The following TYR variants were observed in gnomAD, a reference collection of about 807,000 sequenced individuals.
TYR encodes tyrosinase, also known as LB24-AB.
In TYR, 58 loss-of-function variants were observed where a neutral mutation model predicts 51.5. The ratio of observed to expected loss-of-function variants is 1.13; its 90% confidence interval spans 0.91 to 1.40. TYR has a LOEUF of 1.40. Among genes scored for constraint, TYR ranks in the 40% most tolerant of loss-of-function variants. The probability of loss-of-function intolerance (pLI) is 0.00; values close to 1 mark genes in which losing one functional copy is unlikely to be tolerated. For synonymous variants in TYR, 263 were observed against 235.2 expected, an observed-to-expected ratio of 1.12 and a Z score of -1.08; for missense variants, 732 against 647.4, an observed-to-expected ratio of 1.13 and a Z score of -1.42.
intron 3 of TYR, among the ~76,000 whole-genome samples, chr11:89,262,557 ATTCT>A (rs1944470055): frequency 6.6e-6 from 1 of 151,270 alleles, no homozygotes; most frequent in Admixed American, 6.6e-5. Context: ...CAAAAAGTTG[ATTCT>A]TTGAAAAGAT....
At chr11:89,221,932 G>A (rs1350872434) in intron 2 of TYR, among the ~76,000 whole-genome samples, 1 of 152,190 alleles carries the variant, frequency 6.6e-6, no homozygotes, top group Non-Finnish European at 1.5e-5. Flanking sequence ...TGCAACATCT[G>A]TAACTCATCT....
rs190566534 is a variant in TYR at position 89,196,444 on chromosome 11, A to G, written c.1036+5026A>G. On this transcript the variant is annotated intron_variant, in intron 2 of 4. Transcript: ENST00000263321. ...GGGAAAAAGGAGACAGGAACAAGGA[A>G]CAACTTCTTGGCGTTTAATGGTGTG... is the stretch of plus-strand genomic sequence containing the variant. 2.6e-5 allele frequency among the ~76,000 whole-genome samples: 4 copies of G among 152,246 alleles called. No individual in the cohort carries two copies. In the East Asian group the frequency reaches 7.7e-4, roughly 29 times the overall value.
At chr11:89,247,416 G>A (rs1194951607) in intron 3 of TYR, among the ~76,000 whole-genome samples, 3 of 152,186 alleles carry the variant, frequency 2.0e-5, no homozygotes, top group Non-Finnish European at 2.9e-5. Flanking sequence ...TAATCTAAGA[G>A]AGTTGAATTG....
chr11:89,254,959 C>T (rs1470986253), intron 3 of TYR, among the ~76,000 whole-genome samples: 1 of 151,404 alleles, frequency 6.6e-6, no homozygotes, highest in East Asian at 1.9e-4. Context: ...GGTTGTAAAC[C>T]TTCCTCTTAG....
At chr11:89,203,012 A>C (rs1786390551) in intron 2 of TYR, among the ~76,000 whole-genome samples, 1 of 152,192 alleles carries the variant, frequency 6.6e-6, no homozygotes, top group African/African-American at 2.4e-5. Flanking sequence ...CATATAACAT[A>C]AATAGACTTC....
intron 3 of TYR, among the ~76,000 whole-genome samples, chr11:89,242,150 A>C (rs1326495853): frequency 1.3e-5 from 2 of 152,036 alleles, no homozygotes; most frequent in African/African-American, 4.8e-5. Context: ...TCCAGGATAA[A>C]ATTTCAGAAG....
At chr11:89,207,607 T>G (rs911212166) in intron 2 of TYR, among the ~76,000 whole-genome samples, 4 of 152,208 alleles carry the variant, frequency 2.6e-5, no homozygotes, top group Non-Finnish European at 4.4e-5. Flanking sequence ...TGAGTCATTT[T>G]ATAAATCCAG....
rs189167098 is a variant in TYR at position 89,243,308 on chromosome 11, G to A, written c.1184+15338G>A. On this transcript the variant is annotated intron_variant, in intron 3 of 4. Coordinates refer to ENST00000263321, the MANE Select transcript of TYR (RefSeq NM_000372.5). ...ATTTAGCATGTGTGGGCCACTCACT[G>A]GACACTTCAGCTTCTGCATTCTTCC... is the stretch of plus-strand genomic sequence containing the variant. Among the ~76,000 whole-genome samples, 601 of 152,164 alleles carry A rather than the reference G, an allele frequency of 3.9e-3. 5 individuals are homozygous for A. The highest frequency in any genetic ancestry group is 0.014 in the African/African-American group (574 of 41,516).
Position 89,178,659 on chromosome 11 carries a change from T to C in TYR, c.706T>C (p.Trp236Arg), listed in dbSNP as rs2135242624. Residue 236 changes from tryptophan (W) to arginine (R), a missense_variant, in exon 1 of 5, where the codon TGG (tryptophan) becomes CGG (arginine). Transcript: ENST00000263321. Reference sequence around the variant, plus strand: ...AGATGAAAACTTCACTATTCCATATTGGGACTGGCGGGATGCAGAAAAGTG... The same window carrying C: ...AGATGAAAACTTCACTATTCCATATCGGGACTGGCGGGATGCAGAAAAGTG... The part of the protein sequence containing the change: ...TGDENFTIPY[W>R]DWRDAEKCDI... The C allele has an allele frequency of 6.2e-7, 1 of 1,613,664 alleles. No homozygotes were observed.
intron 2 of TYR, among the ~76,000 whole-genome samples, chr11:89,205,134 C>G (rs1943655855): frequency 6.6e-6 from 1 of 151,870 alleles, no homozygotes; most frequent in Non-Finnish European, 1.5e-5. Flanking sequence ...AGTCTCAATA[C>G]TAGGTTCAAC....
At chr11:89,223,380 G>C (rs1330468148) in intron 2 of TYR, among the ~76,000 whole-genome samples, 2 of 152,056 alleles carry the variant, frequency 1.3e-5, no homozygotes, top group Non-Finnish European at 2.9e-5. Context: ...CGATGTTGGA[G>C]TAATTATTTC....
At chr11:89,249,712 A>G (rs932423793) in intron 3 of TYR, among the ~76,000 whole-genome samples, 1 of 152,094 alleles carries the variant, frequency 6.6e-6, no homozygotes, top group Non-Finnish European at 1.5e-5. Context: ...GAAAGAGGAT[A>G]TGAACAAGAA....
chr11:89,274,265 T>C (rs1485415677), intron 3 of TYR, among the ~76,000 whole-genome samples: 5 of 151,928 alleles, frequency 3.3e-5, no homozygotes. Context: ...TGAATTAATT[T>C]TAGGACAACT....
intron 2 of TYR, among the ~76,000 whole-genome samples, chr11:89,216,955 T>C (rs537087248): frequency 1.8e-4 from 27 of 152,194 alleles, no homozygotes; most frequent in Non-Finnish European, 3.1e-4. Context: ...TATCTCCAGC[T>C]AGTGGCCATG....
chr11:89,268,636 C>G (rs1054296907), intron 3 of TYR, among the ~76,000 whole-genome samples: 3 of 151,846 alleles, frequency 2.0e-5, no homozygotes, highest in Non-Finnish European at 4.4e-5. Flanking sequence ...ATACACACAT[C>G]CATTATAATC....
At chr11:89,260,009 C>T (rs1944438113) in intron 3 of TYR, among the ~76,000 whole-genome samples, 1 of 151,964 alleles carries the variant, frequency 6.6e-6, no homozygotes, top group Non-Finnish European at 1.5e-5. Flanking sequence ...CATGTTATTT[C>T]CCAGGGGCTA....
chr11:89,272,191 G>C (rs1470531264), intron 3 of TYR, among the ~76,000 whole-genome samples: 1 of 151,866 alleles, frequency 6.6e-6, no homozygotes, highest in Admixed American at 6.6e-5. Flanking sequence ...AAATTCATCA[G>C]AGGAATCACT....
rs148363723 is a variant in TYR at position 89,295,186 on chromosome 11, A to G, written c.1410A>G (p.Gln470=). The G allele has an allele frequency of 1.9e-6, 3 of 1,613,890 alleles. No homozygotes were observed. The African/African-American group carries it at 4.0e-5, about 22-fold the overall frequency. ...FQDYIKSYLE[Q]ASRIWSWLLG... ...ACTACATTAAGTCCTATTTGGAACA[A>G]GCGAGTCGGATCTGGTCATGGCTCC... The change falls in exon 5 of 5, where the codon CAA becomes CAG. Residue 470 remains glutamine, a synonymous_variant. Coordinates refer to ENST00000263321, the MANE Select transcript of TYR (RefSeq NM_000372.5).
intron 4 of TYR, among the ~76,000 whole-genome samples, chr11:89,287,389 T>A (rs1365103870): frequency 2.0e-5 from 3 of 151,980 alleles, no homozygotes; most frequent in East Asian, 1.9e-4. Context: ...GGTTTTTTTT[T>A]ATGTGTCTGT....
Sources: allele counts gnomAD v4.1 joint callset (sites outside exome capture counted in the v4.1 genomes callset), GRCh38; gene constraint gnomAD v4.1.1; transcripts MANE v1.5; gene names NCBI Gene and HGNC (gene_info 2026-07-23, HGNC 2026-07-21).